THSD4: variants seen among roughly 807,000 people sequenced by gnomAD.
THSD4 encodes thrombospondin type-1 domain-containing protein 4.
THSD4 carries 69 observed loss-of-function variants against 119.0 expected under a neutral mutation model. That is an observed-to-expected ratio of 0.58 (90% confidence interval 0.48 to 0.71). The LOEUF (loss-of-function observed/expected upper bound fraction) is 0.71. Among genes scored for constraint, THSD4 ranks in the 30% least tolerant of loss-of-function variants. The pLI is 0.00. For missense variants in THSD4, 1,393 were observed against 1,391.1 expected (o/e 1.00, Z -0.02); for synonymous variants, 524 against 540.4 (o/e 0.97, Z 0.42).
intron 8 of THSD4, among the ~76,000 whole-genome samples, chr15:71,681,218 C>G (rs35467586): frequency 9.3e-4 from 142 of 152,094 alleles, no homozygotes; most frequent in Admixed American, 2.9e-3. Context: ...CCCGGCCCTA[C>G]TATGGTATTT....
intron 7 of THSD4, among the ~76,000 whole-genome samples, chr15:71,505,317 A>G (rs550892833): frequency 2.6e-5 from 4 of 152,256 alleles, no homozygotes; most frequent in Non-Finnish European, 5.9e-5. Flanking sequence ...AGTACCAACA[A>G]TCTCTTTCTG....
At chr15:71,318,428 C>T (rs2140357715) in intron 6 of THSD4, among the ~76,000 whole-genome samples, 1 of 152,302 alleles carries the variant, frequency 6.6e-6, no homozygotes, top group East Asian at 1.9e-4. Flanking sequence ...TCCTTTACCA[C>T]ACTGAGAGAT....
At chr15:71,427,229 G>T (rs1339737916) in intron 7 of THSD4, among the ~76,000 whole-genome samples, 3 of 140,142 alleles carry the variant, frequency 2.1e-5, no homozygotes, top group African/African-American at 8.5e-5. Flanking sequence ...AATCATAACT[G>T]CTCACTGCCA....
At chr15:71,670,053 C>T (rs2051491912) in intron 8 of THSD4, among the ~76,000 whole-genome samples, 1 of 152,126 alleles carries the variant, frequency 6.6e-6, no homozygotes, top group African/African-American at 2.4e-5. Flanking sequence ...GCCAAGGAAG[C>T]CTCCAGGATT....
At chr15:71,755,719 A>G (rs1298543245) in intron 14 of THSD4, among the ~76,000 whole-genome samples, 3 of 149,974 alleles carry the variant, frequency 2.0e-5, no homozygotes, top group African/African-American at 7.3e-5. Context: ...AAAAAAAAAA[A>G]AAAAAAAAAA....
At chr15:71,505,237 A>G (rs2048169851) in intron 7 of THSD4, among the ~76,000 whole-genome samples, 1 of 152,232 alleles carries the variant, frequency 6.6e-6, no homozygotes, top group South Asian at 2.1e-4. Flanking sequence ...ATTCTTCTCT[A>G]AGATGCCCAG....
intron 7 of THSD4, among the ~76,000 whole-genome samples, chr15:71,625,192 G>C (rs1472414118): frequency 6.6e-6 from 1 of 152,126 alleles, no homozygotes; most frequent in Non-Finnish European, 1.5e-5. Context: ...ATTTTTAGTA[G>C]AGATGGGGTT....
At chr15:71,505,011 G>A (rs1417894722) in intron 7 of THSD4, among the ~76,000 whole-genome samples, 1 of 152,166 alleles carries the variant, frequency 6.6e-6, no homozygotes, top group African/African-American at 2.4e-5. Context: ...TTCTTTGTTA[G>A]ACTGGGGCTA....
chr15:71,105,165 C>T (rs1242098694), intron 1 of THSD4, among the ~76,000 whole-genome samples: 1 of 152,136 alleles, frequency 6.6e-6, no homozygotes, highest in Non-Finnish European at 1.5e-5. Flanking sequence ...TTTTAGTTTT[C>T]AGCCTCTACT....
intron 6 of THSD4, among the ~76,000 whole-genome samples, chr15:71,267,035 C>CTTCTTCAGGATAATA (rs909930609): frequency 6.6e-6 from 1 of 152,142 alleles, no homozygotes; most frequent in Admixed American, 6.5e-5. Context: ...TTGGAAAACA[C>CTTCTTCAGGATAATA]TCTTCAGGAT....
At chr15:71,710,181 A>ACAAAGC (rs2052480573) in intron 8 of THSD4, among the ~76,000 whole-genome samples, 1 of 152,232 alleles carries the variant, frequency 6.6e-6, no homozygotes, top group East Asian at 1.9e-4. Context: ...AATAACATAA[A>ACAAAGC]ATATTTAAAA....
intron 6 of THSD4, among the ~76,000 whole-genome samples, chr15:71,392,824 TG>T (rs1419163294): frequency 6.6e-6 from 1 of 152,224 alleles, no homozygotes; most frequent in Non-Finnish European, 1.5e-5. Context: ...TCTTCCTTTT[TG>T]TCTTTTCCCA....
chr15:71,453,687 A>G (rs545549676), intron 7 of THSD4, among the ~76,000 whole-genome samples: 25 of 152,226 alleles, frequency 1.6e-4, no homozygotes, highest in Non-Finnish European at 2.9e-4. Flanking sequence ...CCCTGGAGGT[A>G]TTGTATCCAG....
chr15:71,533,178 G>C (rs1176291354), intron 7 of THSD4, among the ~76,000 whole-genome samples: 1 of 152,194 alleles, frequency 6.6e-6, no homozygotes, highest in Non-Finnish European at 1.5e-5. Context: ...ATCTGAGCAG[G>C]ATCAAAATAA....
intron 7 of THSD4, among the ~76,000 whole-genome samples, chr15:71,566,769 C>T (rs947267681): frequency 6.6e-6 from 1 of 151,786 alleles, no homozygotes; most frequent in African/African-American, 2.4e-5. Context: ...CTCCCCCTGC[C>T]ATTCCCACTT....
intron 6 of THSD4, among the ~76,000 whole-genome samples, chr15:71,352,352 T>C (rs2045754445): frequency 6.6e-6 from 1 of 152,240 alleles, no homozygotes; most frequent in African/African-American, 2.4e-5. Flanking sequence ...TCCAAAGCCC[T>C]GACGGTTGCC....
intron 1 of THSD4, among the ~76,000 whole-genome samples, chr15:71,116,975 A>G (rs1048718791): frequency 6.6e-6 from 1 of 152,036 alleles, no homozygotes; most frequent in African/African-American, 2.4e-5. Flanking sequence ...AGAAAACAAA[A>G]TCCTAGCCCT....
At chr15:71,256,336 G>A (rs1357835449) in intron 5 of THSD4, among the ~76,000 whole-genome samples, 1 of 152,040 alleles carries the variant, frequency 6.6e-6, no homozygotes, top group African/African-American at 2.4e-5. Context: ...TTAGCCAGGT[G>A]TGGTGGTGGG....
intron 8 of THSD4, among the ~76,000 whole-genome samples, chr15:71,715,014 C>T (rs1995332): frequency 0.54 from 82,400 of 152,060 alleles, 26,547 homozygotes; most frequent in East Asian, 0.8. Context: ...ACCCTTATAA[C>T]TCCAGAGACA....
Sources: gnomAD v4.1 joint callset for allele counts (sites outside exome capture counted in the v4.1 genomes callset) on GRCh38, gnomAD v4.1.1 for gene constraint, MANE v1.5 for transcripts, NCBI Gene and HGNC (gene_info 2026-07-23, HGNC 2026-07-21) for gene names.